Variants in DCST2 observed in about 807,000 individuals in gnomAD.
DCST2 encodes the protein DC-STAMP domain-containing protein 2.
In DCST2, 64 loss-of-function variants were observed where a neutral mutation model predicts 81.8. That is an observed-to-expected ratio of 0.78 (90% CI 0.64 to 0.96). The LOEUF (loss-of-function observed/expected upper bound fraction) is 0.96. Among genes scored for constraint, DCST2 ranks in the 40% least tolerant of loss-of-function variants. The pLI, the probability that DCST2 is intolerant of heterozygous loss-of-function variation, is 0.00. For missense variants in DCST2, 945 were observed against 1,001.4 expected (o/e 0.94, Z 0.76); for synonymous variants, 354 against 402.6 (o/e 0.88, Z 1.44).
At chr1:155,029,071 A>G (rs1218202427) in intron 8 of DCST2, among the ~76,000 whole-genome samples, 162 bp downstream of exon 8, 1 of 152,090 alleles carries the variant, frequency 6.6e-6, no homozygotes, top group Non-Finnish European at 1.5e-5. Context: ...AAAGAGTGGC[A>G]CACTTGTGGG....
In DCST2 at chr1:155,026,711, A is replaced by G. The variant is rs1169518291; in HGVS notation, c.1347T>C (p.Pro449=). ...CTTCCACGGTTAGAGACACCAACAC[A>G]GGACCTGGCACAAAGACACTGTGTG... The part of the protein sequence containing the change: ...QLQGEIVARS[P]VLVSLTVEGT... The change falls in exon 9 of 15, where the codon CCT becomes CCC. Residue 449 remains proline, a synonymous_variant. Coordinates refer to ENST00000368424, the MANE Select transcript of DCST2 (RefSeq NM_144622.3). The G allele has an allele frequency of 2.5e-6, 4 of 1,614,040 alleles. No individual in the cohort carries two copies. Among genetic ancestry groups the G allele is most frequent in the Non-Finnish European group, 3.4e-6 (4 of 1,180,034 alleles).
intron 14 of DCST2, among the ~76,000 whole-genome samples, chr1:155,022,325 G>A (rs1305056760): frequency 6.6e-6 from 1 of 151,988 alleles, no homozygotes; most frequent in Non-Finnish European, 1.5e-5. Context: ...CATCCCTTGG[G>A]CTCTACCCTT....
Position 155,032,703 on chromosome 1 carries a change from A to T in DCST2, c.505T>A (p.Phe169Ile). The part of the protein sequence containing the change: ...TKEVADRVRK[F>I]FRSIMDGVKH... ...ACACCATCCATGATTGACCGAAAGA[A>T]CTTGCGGACCCGGTCAGCCACCTCT... Residue 169 changes from phenylalanine to isoleucine, a missense_variant, in exon 3 of 15, where the codon TTC becomes ATC. Coordinates refer to ENST00000368424, the MANE Select transcript of DCST2 (RefSeq NM_144622.3). The T allele has an allele frequency of 6.2e-7, 1 of 1,614,112 alleles. No individual in the cohort carries two copies. Among genetic ancestry groups the T allele is most frequent in the Non-Finnish European group, 8.5e-7 (1 of 1,179,986 alleles).
intron 14 of DCST2, among the ~76,000 whole-genome samples, chr1:155,019,611 T>A (rs1659687209): frequency 6.6e-6 from 1 of 152,206 alleles, no homozygotes; most frequent in Non-Finnish European, 1.5e-5. Flanking sequence ...ACAGAGACCC[T>A]GGGCTGCCCC....
At position 155,030,177 on chromosome 1, in the gene DCST2, G is replaced by C. The variant is rs147359914; in HGVS notation, c.1084C>G (p.Arg362Gly). Residue 362 changes from arginine to glycine, a missense_variant, in exon 7 of 15, where the codon CGA becomes GGA. By Grantham distance (125) the Arg-to-Gly change is moderately radical (BLOSUM62 -2). Transcript: ENST00000368424. ...CGCACAGCCTCCATGCGCAGGAATC[G>C]GCTAGTGATGTAGATATTGTCATAA... ...DHYDNIYITS[R>G]FLRMEAVRST... is the part of the protein sequence containing the mutation. The C allele has an allele frequency of 6.2e-7, 1 of 1,614,164 alleles. No individual in the cohort carries two copies. Among genetic ancestry groups the C allele is most frequent in the Admixed American group, 1.7e-5 (1 of 60,016 alleles).
chr1:155,024,505 C>A lies in DCST2; in HGVS notation c.1709G>T (p.Gly570Val). 6.2e-7 allele frequency: 1 copy of A among 1,607,718 alleles called. No homozygotes were observed. Among genetic ancestry groups the A allele is most frequent in the Non-Finnish European group, 8.5e-7 (1 of 1,176,970 alleles). ...RSVRRRAADQGHRSAFLVLAS... is the reference protein window; with the variant it reads ...RSVRRRAADQVHRSAFLVLAS... ...CAGCACTAGGAAGGCACTTCTGTGG[C>A]CCTGGTCAGCCGCCCGCCGCCTCAC... Residue 570 changes from glycine to valine, a missense_variant, in exon 11 of 15, where the codon GGC becomes GTC. Transcript: ENST00000368424.
rs773102244 is a variant in DCST2, at chr1:155,018,712, C to T, written c.2154G>A (p.Gln718=). Residue 718 remains glutamine, a synonymous_variant, in exon 15 of 15, where the codon CAG becomes CAA. Transcript: ENST00000368424. The part of the protein sequence containing the change: ...KGPQQRKHGQ[Q]PLPEAHQPVS... The stretch of plus-strand genomic sequence containing the variant: ...CAGGCTGATGGGCTTCAGGTAAGGG[C>T]TGCTGCCCGTGCTTCCTCTGCTGAG... 6 of 1,613,684 alleles carry T rather than the reference C, an allele frequency of 3.7e-6. No homozygotes were observed. Among genetic ancestry groups the T allele is most frequent in the Non-Finnish European group, 3.4e-6 (4 of 1,179,948 alleles).
In DCST2 at chr1:155,023,397, G is replaced by A. The variant is rs1659807647; in HGVS notation, c.1931C>T (p.Pro644Leu). The A allele has an allele frequency of 1.2e-6, 2 of 1,608,454 alleles. No homozygotes were observed. The highest frequency in any genetic ancestry group is 2.2e-5 in the South Asian group (2 of 90,162). Residue 644 changes from proline (P) to leucine (L), a missense_variant, in exon 13 of 15, where the codon CCC (proline) becomes CTC (leucine). Physicochemically the swap from Pro to Leu is moderately conservative, Grantham distance 98 (BLOSUM62 -3). Coordinates refer to ENST00000368424, the MANE Select transcript of DCST2 (RefSeq NM_144622.3). ...GTCCAGGTCCCCCTGGTAGGAGAGG[G>A]GAGATGCACACACGGAGCAGGTATT... ...LDNTCSVCASPLSYQGDLDLE... is the reference protein window; with the variant it reads ...LDNTCSVCASLLSYQGDLDLE...
Position 155,023,200 on chromosome 1 carries a change from G to A in DCST2, c.2022C>T (p.Asp674=), listed in dbSNP as rs1227491463. 3 of 1,614,054 alleles carry A rather than the reference G, an allele frequency of 1.9e-6. No individual in the cohort carries two copies. Among genetic ancestry groups the A allele is most frequent in the Non-Finnish European group, 2.5e-6 (3 of 1,180,046 alleles). Residue 674 remains aspartate, a synonymous_variant, in exon 14 of 15, where the codon GAC becomes GAT. Transcript: ENST00000368424. ...QLWLAAAQRK[D]PEQAWLLQQQ... is the part of the protein sequence containing the mutation. ...GCTGCAATAACCATGCCTGCTCAGG[G>A]TCCTTCCTTTGAGCTGCAGCCAGCC...
Position 155,031,629 on chromosome 1 carries a change from G to A in DCST2, c.684C>T (p.Tyr228=). The A allele has an allele frequency of 6.2e-7, 1 of 1,614,076 alleles. No homozygotes were observed. The highest frequency in any genetic ancestry group is 8.5e-7 in the Non-Finnish European group (1 of 1,180,034). ...AGGGCATGAGCACGTAACACAGGTG[G>A]TAGGCTTGTGGTATGACCATCATGC... ...DSCMMVIPQA[Y]HLCYVLMPFK... The change falls in exon 4 of 15, where the codon TAC becomes TAT. Residue 228 remains tyrosine, a synonymous_variant. Transcript: ENST00000368424.
chr1:155,020,244 ACT>A (rs1316191864), intron 14 of DCST2, among the ~76,000 whole-genome samples: 2 of 152,014 alleles, frequency 1.3e-5, no homozygotes, highest in Admixed American at 6.6e-5. Flanking sequence ...TGTGAAGCTA[ACT>A]CTCTCTTTCT....
chr1:155,030,275 C>A (rs754128062), intron 6 of DCST2, 34 bp from the exon 7 acceptor site: 1 of 1,613,292 alleles, frequency 6.2e-7, no homozygotes, highest in South Asian at 1.1e-5. Context: ...TGTGAGGCCC[C>A]TTAGGACCCC....
chr1:155,019,487 C>A (rs947341923), intron 14 of DCST2, among the ~76,000 whole-genome samples: 1 of 152,260 alleles, frequency 6.6e-6, no homozygotes, highest in African/African-American at 2.4e-5. Context: ...CAGCCTTGGC[C>A]TTTCACTGGA....
chr1:155,031,232 C>T lies in DCST2; in HGVS notation c.742G>A (p.Val248Ile), dbSNP rs550110036. The T allele has an allele frequency of 6.7e-5, 105 of 1,577,990 alleles. No individual in the cohort carries two copies. The highest frequency in any genetic ancestry group is 3.8e-4 in the Admixed American group (20 of 52,728). The change falls in exon 5 of 15, where the codon GTC (valine) becomes ATC (isoleucine). Residue 248 changes from valine (V) to isoleucine (I), a missense_variant and splice_region_variant. Coordinates refer to ENST00000368424, the MANE Select transcript of DCST2 (RefSeq NM_144622.3). The stretch of plus-strand genomic sequence containing the variant: ...TTAGGGATGACGCAGAACACCTGGA[C>T]CACTGAGGGGCGGAGTCGGCTGAGT... The part of the protein sequence containing the change: ...KLALCGLASL[V>I]QVFCVIPKYI...
chr1:155,020,246 T>G (rs1036031937), intron 14 of DCST2, among the ~76,000 whole-genome samples: 8 of 152,200 alleles, frequency 5.3e-5, no homozygotes, highest in Non-Finnish European at 1.0e-4. Context: ...TGAAGCTAAC[T>G]CTCTCTTTCT....
At chr1:155,021,519 C>T (rs191993604) in intron 14 of DCST2, among the ~76,000 whole-genome samples, 2 of 151,936 alleles carry the variant, frequency 1.3e-5, no homozygotes. Context: ...CTGCCATGCC[C>T]TCTGCCAGGA....
intron 12 of DCST2, 164 bp downstream of exon 12, chr1:155,023,668 G>A (rs1430789943): frequency 1.9e-6 from 3 of 1,554,976 alleles, no homozygotes; most frequent in Non-Finnish European, 1.7e-6. Context: ...GAGAAAATGA[G>A]CTACCTGAAG....
At chr1:155,022,949 C>T (rs1317885688) in intron 14 of DCST2, among the ~76,000 whole-genome samples, 168 bp downstream of exon 14, 1 of 152,194 alleles carries the variant, frequency 6.6e-6, no homozygotes, top group Non-Finnish European at 1.5e-5. Flanking sequence ...TCCTGGGCCA[C>T]GGTGCTGACA....
At chr1:155,024,920 G>A (rs915142120) in intron 10 of DCST2, among the ~76,000 whole-genome samples, 4 of 151,974 alleles carry the variant, frequency 2.6e-5, no homozygotes, top group Non-Finnish European at 5.9e-5. Flanking sequence ...AGGCCGAGGC[G>A]GGTGGATCAC....
Sources: allele counts gnomAD v4.1 joint callset (sites outside exome capture counted in the v4.1 genomes callset), GRCh38; gene constraint gnomAD v4.1.1; transcripts MANE v1.5; gene names NCBI Gene and HGNC (gene_info 2026-07-23, HGNC 2026-07-21).